The following IQGAP2 variants were observed in gnomAD, a reference collection of about 807,000 sequenced individuals.
IQGAP2 encodes IQ motif containing GTPase activating protein 2, also known as ras GTPase-activating-like protein IQGAP2.
IQGAP2 carries 173 observed loss-of-function variants against 201.3 expected under a neutral mutation model. That is an observed-to-expected ratio of 0.86 (90% CI 0.76 to 0.98). The LOEUF (loss-of-function observed/expected upper bound fraction) is 0.98. Ranked by LOEUF, IQGAP2 falls within the 50% of genes least tolerant of loss-of-function variation. The pLI is 0.00. For missense variants in IQGAP2, 1,687 were observed against 1,864.8 expected (o/e 0.90, Z 1.76); for synonymous variants, 675 against 673.9 (o/e 1.00, Z -0.03).
Position 76,592,842 on chromosome 5 carries a change from G to A in IQGAP2, c.824G>A (p.Ser275Asn). 6.2e-7 allele frequency: 1 copy of A among 1,600,140 alleles called. No individual in the cohort carries two copies. Among genetic ancestry groups the A allele is most frequent in the Non-Finnish European group, 8.6e-7 (1 of 1,167,798 alleles). The stretch of plus-strand genomic sequence containing the variant: ...AGTGAAGACTTTGTTTTGCAGAATA[G>A]CTGTATTTCAGAAGAAGAAAGAGAT... ...KKEENARLKNSCISEEERDAY... is the reference protein window; with the variant it reads ...KKEENARLKNNCISEEERDAY... Residue 275 changes from serine to asparagine, a missense_variant, in exon 9 of 36, where the codon AGC becomes AAC. Transcript: ENST00000274364.
chr5:76,481,534 C>T (rs1288698233), intron 2 of IQGAP2, among the ~76,000 whole-genome samples: 1 of 151,950 alleles, frequency 6.6e-6, no homozygotes, highest in African/African-American at 2.4e-5. Flanking sequence ...AGGAGTGTGC[C>T]ACCACACCCA....
chr5:76,448,478 T>A (rs1286462651), intron 1 of IQGAP2, among the ~76,000 whole-genome samples: 1 of 152,118 alleles, frequency 6.6e-6, no homozygotes, highest in Non-Finnish European at 1.5e-5. Flanking sequence ...GATATCAAGA[T>A]GAAAGGAAGG....
At chr5:76,460,113 A>G (rs772110797) in intron 1 of IQGAP2, among the ~76,000 whole-genome samples, 1 of 152,154 alleles carries the variant, frequency 6.6e-6, no homozygotes, top group African/African-American at 2.4e-5. Flanking sequence ...AGGATCCCCT[A>G]GTTTGGAGAG....
chr5:76,528,588 C>A (rs1759105091), intron 2 of IQGAP2, among the ~76,000 whole-genome samples: 1 of 152,108 alleles, frequency 6.6e-6, no homozygotes, highest in Non-Finnish European at 1.5e-5. Context: ...TCATAAAAAC[C>A]AAGCTCAAGG....
chr5:76,701,165 T>C lies in IQGAP2; in HGVS notation c.4457T>C (p.Leu1486Pro). 3 of 1,614,240 alleles carry C rather than the reference T, an allele frequency of 1.9e-6. No individual in the cohort carries two copies. The highest frequency in any genetic ancestry group is 2.5e-6 in the Non-Finnish European group (3 of 1,180,016). Residue 1486 changes from leucine (L) to proline (P), a missense_variant, in exon 34 of 36, where the codon CTG becomes CCG. By Grantham distance (98) the Leu-to-Pro change is moderately conservative (BLOSUM62 -3). Transcript: ENST00000274364. ...AKPVKYTAAK[L>P]HEKGVLLDID... ...CCAGTGAAGTACACTGCAGCAAAGC[T>C]GCATGAGAAAGGTGTCCTGCTAGAT...
chr5:76,553,413 C>A (rs1352010375), intron 2 of IQGAP2, among the ~76,000 whole-genome samples: 3 of 152,148 alleles, frequency 2.0e-5, no homozygotes, highest in Non-Finnish European at 4.4e-5. Context: ...CTGTTCTTGG[C>A]CAGCAGTTCT....
intron 4 of IQGAP2, among the ~76,000 whole-genome samples, chr5:76,574,548 C>T (rs1225317711): frequency 3.3e-5 from 5 of 152,148 alleles, no homozygotes; most frequent in African/African-American, 1.2e-4. Context: ...GGATTATGGG[C>T]GTGAGCCACT....
chr5:76,616,842 G>A (rs1749021023), intron 13 of IQGAP2: 2 of 152,162 alleles, frequency 1.3e-5, no homozygotes, highest in Admixed American at 1.3e-4. Context: ...GACGAAGCGA[G>A]ACACTGTCTC....
chr5:76,686,770 A>G (rs1442212931), intron 30 of IQGAP2, among the ~76,000 whole-genome samples: 2 of 151,956 alleles, frequency 1.3e-5, no homozygotes, highest in African/African-American at 4.8e-5. Flanking sequence ...CAGCCTCCCA[A>G]AGTGCTGGGA....
At chr5:76,607,357 A>G (rs1275566088) in intron 12 of IQGAP2, 3 of 152,192 alleles carry the variant, frequency 2.0e-5, no homozygotes, top group Non-Finnish European at 4.4e-5. Context: ...TTTTTTAAAC[A>G]TATTCTCACT....
Position 76,518,197 on chromosome 5 carries a change from G to A in IQGAP2, c.147-44199G>A, listed in dbSNP as rs539611928. 1.3e-5 allele frequency among the ~76,000 whole-genome samples: 2 copies of A among 152,170 alleles called. 1 individual carries two copies. The highest frequency in any genetic ancestry group is 4.8e-5 in the African/African-American group (2 of 41,506). On this transcript the variant is annotated intron_variant, in intron 2 of 35. Coordinates refer to ENST00000274364, the MANE Select transcript of IQGAP2 (RefSeq NM_006633.5). The stretch of plus-strand genomic sequence containing the variant: ...GGCTGGTCTCAAACTCCTGACCTTA[G>A]GTGATCTGCTCACCTCGGCCTCCCA...
At chr5:76,610,928 T>C (rs928785352) in intron 12 of IQGAP2, 92 bp from the exon 13 acceptor site, 3 of 998,714 alleles carry the variant, frequency 3.0e-6, no homozygotes, top group Non-Finnish European at 4.5e-6. Flanking sequence ...ATAGCCTTGC[T>C]GTACTAGTTA....
At chr5:76,610,076 CTATATATATATATATATA>C (rs869050901) in intron 12 of IQGAP2, among the ~76,000 whole-genome samples, 7 of 18,706 alleles carry the variant, frequency 3.7e-4, no homozygotes, top group African/African-American at 1.1e-3. Context: ...CTCTCTCTCT[CTATATATATATATATATA>C]TATATATATA....
chr5:76,426,905 GGT>G (rs141560559), intron 1 of IQGAP2, among the ~76,000 whole-genome samples: 2,591 of 146,536 alleles, frequency 0.018, 31 homozygotes, highest in Admixed American at 0.028. Context: ...AACCATGGAG[GGT>G]GTGTGTGTGT....
intron 13 of IQGAP2, chr5:76,618,038 T>C (rs1749171767): frequency 6.2e-7 from 1 of 1,614,098 alleles, no homozygotes; most frequent in Non-Finnish European, 8.5e-7. Context: ...GCAGCATATA[T>C]AAGAAAACTG....
intron 17 of IQGAP2, among the ~76,000 whole-genome samples, chr5:76,644,864 A>ATT (rs1178277355): frequency 2.0e-5 from 3 of 152,172 alleles, no homozygotes; most frequent in Non-Finnish European, 4.4e-5. Flanking sequence ...TTCTTTTATT[A>ATT]TTATGCTTTA....
At chr5:76,592,025 T>C (rs1420638987) in intron 8 of IQGAP2, among the ~76,000 whole-genome samples, 2 of 152,176 alleles carry the variant, frequency 1.3e-5, no homozygotes, top group Admixed American at 1.3e-4. Flanking sequence ...TCACCAGTCT[T>C]GCCTCAGTCC....
intron 13 of IQGAP2, chr5:76,623,249 G>A (rs778793111): frequency 1.4e-5 from 23 of 1,613,568 alleles, no homozygotes; most frequent in African/African-American, 8.0e-5. Flanking sequence ...CCTGAGTCCC[G>A]TCTCTTAAAC....
intron 2 of IQGAP2, among the ~76,000 whole-genome samples, chr5:76,469,635 C>T (rs933389150): frequency 6.6e-6 from 1 of 152,106 alleles, no homozygotes; most frequent in South Asian, 2.1e-4. Context: ...AACTCTTGGC[C>T]TCAAGTGATC....
Sources: gnomAD v4.1 joint callset for allele counts (sites outside exome capture counted in the v4.1 genomes callset) on GRCh38, gnomAD v4.1.1 for gene constraint, MANE v1.5 for transcripts, NCBI Gene and HGNC (gene_info 2026-07-23, HGNC 2026-07-21) for gene names.